Variants in ANO6 observed in about 807,000 individuals in gnomAD.
ANO6 encodes anoctamin 6, also known as anoctamin-6.
Under a neutral mutation model 117.5 loss-of-function variants are expected in ANO6, and 106 were observed. That is an observed-to-expected ratio of 0.90 (90% CI 0.77 to 1.06). ANO6 has a LOEUF of 1.06. Among genes scored for constraint, ANO6 ranks in the 50% least tolerant of loss-of-function variants. ANO6 has a pLI of 0.00. For synonymous variants in ANO6, 367 were observed against 385.1 expected, an observed-to-expected ratio of 0.95 and a Z score of 0.55; for missense variants, 955 against 1,121.1, an observed-to-expected ratio of 0.85 and a Z score of 2.12.
At chr12:45,353,172 G>C (rs1941326408) in intron 7 of ANO6, among the ~76,000 whole-genome samples, 1 of 152,072 alleles carries the variant, frequency 6.6e-6, no homozygotes, top group Non-Finnish European at 1.5e-5. Context: ...TATGATAGCA[G>C]CTATCAACGA....
chr12:45,277,972 G>A (rs1051024446), intron 1 of ANO6, among the ~76,000 whole-genome samples: 1 of 151,960 alleles, frequency 6.6e-6, no homozygotes, highest in African/African-American at 2.4e-5. Context: ...GTATTTTTTA[G>A]AGATAGGGTC....
chr12:45,292,960 G>C, intron 1 of ANO6: 1 of 1,551,238 alleles, frequency 6.4e-7, no homozygotes, highest in African/African-American at 1.4e-5. Context: ...TATTTGGTGA[G>C]TTGCTGGAAC....
chr12:45,260,994 T>G (rs1472412233), intron 1 of ANO6, among the ~76,000 whole-genome samples: 2 of 151,984 alleles, frequency 1.3e-5, no homozygotes, highest in South Asian at 2.1e-4. Flanking sequence ...GTTTTGTTTT[T>G]TTGGTAGAGA....
intron 1 of ANO6, among the ~76,000 whole-genome samples, chr12:45,221,112 C>A (rs1337361529): frequency 2.6e-5 from 4 of 152,222 alleles, no homozygotes; most frequent in African/African-American, 9.6e-5. Context: ...CTGAGGCTTA[C>A]TGCAGGTGGA....
intron 1 of ANO6, chr12:45,292,733 T>C: frequency 1.4e-6 from 2 of 1,406,202 alleles, no homozygotes; most frequent in Non-Finnish European, 1.9e-6. Flanking sequence ...TAAGCAGAGC[T>C]GAAACAACAC....
intron 1 of ANO6, among the ~76,000 whole-genome samples, chr12:45,300,723 A>C (rs1939455209): frequency 6.6e-6 from 1 of 152,218 alleles, no homozygotes; most frequent in Non-Finnish European, 1.5e-5. Context: ...TAAATCTTTA[A>C]GCTTACTTAA....
intron 19 of ANO6, among the ~76,000 whole-genome samples, chr12:45,428,365 C>T (rs974880054): frequency 8.5e-5 from 13 of 152,158 alleles, no homozygotes; most frequent in African/African-American, 1.7e-4. Context: ...ATAATCCTAG[C>T]GCTTTGGAAG....
At position 45,216,330 on chromosome 12, in the gene ANO6, G is replaced by C; in HGVS notation, c.9G>C (p.Lys3Asn). MKKMSRNVLLQME... is the reference protein window; with the variant it reads MKNMSRNVLLQME... ...CGCCTTCTGAGGGAGACATGAAAAA[G>C]ATGAGCAGGAATGTTTTGCTACAAA... Residue 3 changes from lysine to asparagine, a missense_variant, in exon 1 of 20, where the codon AAG (lysine) becomes AAC (asparagine). Lys to Asn is a moderately conservative substitution (Grantham distance 94). Transcript: ENST00000320560. 1 of 1,612,092 alleles carries C rather than the reference G, an allele frequency of 6.2e-7. No individual in the cohort carries two copies. The highest frequency in any genetic ancestry group is 8.5e-7 in the Non-Finnish European group (1 of 1,178,920).
chr12:45,307,460 C>T (rs766804311), intron 2 of ANO6, among the ~76,000 whole-genome samples: 1 of 152,094 alleles, frequency 6.6e-6, no homozygotes, highest in Non-Finnish European at 1.5e-5. Flanking sequence ...ACCCAGAAGT[C>T]TGTGGAAGGA....
chr12:45,437,054 T>C (rs1398385765), downstream of ANO6, among the ~76,000 whole-genome samples: 1 of 152,224 alleles, frequency 6.6e-6, no homozygotes, highest in Non-Finnish European at 1.5e-5. Flanking sequence ...CAGTGAAACC[T>C]GTGTGGAAAA....
chr12:45,381,923 G>A (rs1295018194), intron 10 of ANO6, among the ~76,000 whole-genome samples: 1 of 151,880 alleles, frequency 6.6e-6, no homozygotes, highest in Admixed American at 6.6e-5. Context: ...TAGATACTGA[G>A]ATAGATACTA....
rs931097957 is a variant in ANO6 at position 45,438,019 on chromosome 12, T to A, written c.2527-1656T>A. ...AGACCAGCGCAGTCTTTCCACTCTC[T>A]ATGCATGTGAAATCCATTTTCTGGT... On this transcript the variant is annotated intron_variant, in intron 19 of 19. Coordinates refer to the ANO6 transcript ENST00000425752. Among the ~76,000 whole-genome samples the A allele has an allele frequency of 9.8e-5, 15 of 152,320 alleles. No homozygotes were observed. The East Asian group carries it at 2.9e-3, about 29-fold the overall frequency.
At chr12:45,420,738 C>T (rs930196802) in intron 17 of ANO6, among the ~76,000 whole-genome samples, 1 of 152,218 alleles carries the variant, frequency 6.6e-6, no homozygotes, top group African/African-American at 2.4e-5. Context: ...CGGCCAGGTG[C>T]AGTGGCTCAC....
intron 1 of ANO6, among the ~76,000 whole-genome samples, chr12:45,230,785 T>G (rs886561148): frequency 1.3e-5 from 2 of 152,224 alleles, no homozygotes; most frequent in African/African-American, 4.8e-5. Context: ...GTTCTTGATA[T>G]TGATCATGTG....
chr12:45,362,818 T>G (rs1941588985), intron 8 of ANO6, among the ~76,000 whole-genome samples: 1 of 152,228 alleles, frequency 6.6e-6, no homozygotes, highest in Non-Finnish European at 1.5e-5. Context: ...GATCTGTTCC[T>G]TCTCTACTCC....
chr12:45,419,691 A>G (rs1647669307), intron 17 of ANO6, among the ~76,000 whole-genome samples: 1 of 152,206 alleles, frequency 6.6e-6, no homozygotes, highest in Non-Finnish European at 1.5e-5. Flanking sequence ...TTCATCAATG[A>G]CAATCATTTA....
intron 1 of ANO6, among the ~76,000 whole-genome samples, chr12:45,270,100 C>A (rs1938346552): frequency 6.6e-6 from 1 of 152,182 alleles, no homozygotes; most frequent in Non-Finnish European, 1.5e-5. Flanking sequence ...ATGTCAGGGT[C>A]CTGAGAGCTC....
downstream of ANO6, among the ~76,000 whole-genome samples, chr12:45,435,113 C>G (rs1213995962): frequency 6.6e-6 from 1 of 151,872 alleles, no homozygotes; most frequent in African/African-American, 2.4e-5. Flanking sequence ...TTATGGCACT[C>G]TCTATTATAA....
intron 16 of ANO6, among the ~76,000 whole-genome samples, chr12:45,409,934 T>G (rs777229716): frequency 6.6e-6 from 1 of 152,170 alleles, no homozygotes; most frequent in African/African-American, 2.4e-5. Flanking sequence ...TTTTGGACTT[T>G]TAGTACTGAC....
Sources: gnomAD v4.1 joint callset for allele counts (sites outside exome capture counted in the v4.1 genomes callset) on GRCh38, gnomAD v4.1.1 for gene constraint, MANE v1.5 for transcripts, NCBI Gene and HGNC (gene_info 2026-07-23, HGNC 2026-07-21) for gene names.